The following MAOB variants were observed in gnomAD, a reference collection of about 807,000 sequenced individuals.
MAOB encodes monoamine oxidase B.
MAOB carries 15 observed loss-of-function variants against 41.9 expected under a neutral mutation model. That is an observed-to-expected ratio of 0.36 (90% CI 0.24 to 0.55). The LOEUF (loss-of-function observed/expected upper bound fraction) is 0.55. MAOB is among the 20% of genes least tolerant of loss of function. The pLI is 0.86. For synonymous variants in MAOB, 167 were observed against 144.2 expected, an observed-to-expected ratio of 1.16 and a Z score of -1.13; for missense variants, 345 against 398.7, an observed-to-expected ratio of 0.87 and a Z score of 1.15.
intron 3 of MAOB, among the ~76,000 whole-genome samples, chrX:43,834,759 G>A (rs1255587659): frequency 4.4e-5 from 5 of 112,401 alleles, no homozygotes; most frequent in Admixed American, 3.8e-4. Flanking sequence ...TGCATCTTTA[G>A]CATTGAAGGT....
intron 1 of MAOB, among the ~76,000 whole-genome samples, chrX:43,879,842 T>C (rs181659500): frequency 2.7e-5 from 3 of 112,351 alleles, no homozygotes; most frequent in African/African-American, 9.7e-5. Context: ...GCAATGAAGT[T>C]CTTAAGTTAT....
chrX:43,813,089 A>AT (rs1374086961), intron 3 of MAOB, among the ~76,000 whole-genome samples: 1 of 112,218 alleles, frequency 8.9e-6, no homozygotes, highest in Non-Finnish European at 1.9e-5. Context: ...GCATATAGAG[A>AT]TAAATAATTA....
At chrX:43,802,620 C>T (rs1388310447) in intron 4 of MAOB, among the ~76,000 whole-genome samples, 1 of 111,881 alleles carries the variant, frequency 8.9e-6, no homozygotes, top group African/African-American at 3.2e-5. Flanking sequence ...ACAAGGATCA[C>T]AGAGCTGCAG....
intron 1 of MAOB, among the ~76,000 whole-genome samples, chrX:43,851,167 T>A (rs2035249516): frequency 8.9e-6 from 1 of 111,994 alleles, no homozygotes; most frequent in South Asian, 3.7e-4. Flanking sequence ...TTCTCGGGTT[T>A]GTGTGCTATA....
At chrX:43,768,284 T>C (rs1330982352) in intron 14 of MAOB, among the ~76,000 whole-genome samples, 2 of 111,954 alleles carry the variant, frequency 1.8e-5, no homozygotes, top group Non-Finnish European at 3.8e-5. Flanking sequence ...TGTTTGTCCC[T>C]GGACAGGAGA....
intron 3 of MAOB, among the ~76,000 whole-genome samples, chrX:43,818,685 G>A (rs1185827042): frequency 8.9e-6 from 1 of 112,384 alleles, no homozygotes; most frequent in Non-Finnish European, 1.9e-5. Flanking sequence ...TGACAGGCTC[G>A]GACAGACCCA....
At position 43,769,392 on chromosome X, in the gene MAOB, A is replaced by G; in HGVS notation, c.1262T>C (p.Ile421Thr). 4.1e-6 allele frequency: 5 copies of G among 1,209,588 alleles called. No individual in the cohort carries two copies. In the South Asian group the frequency reaches 7.1e-5, roughly 17 times the overall value. The change falls in exon 13 of 15, where the codon ATT becomes ACT. Residue 421 changes from isoleucine to threonine, a missense_variant. Transcript: ENST00000378069. ...GGCAGTCTCGGTGCCTGCAAAGTAA[A>G]TCCTGTCCACTGGCTGGCGTAGAAC... ...GRVLRQPVDRIYFAGTETATH... is the reference protein window; with the variant it reads ...GRVLRQPVDRTYFAGTETATH...
intron 1 of MAOB, among the ~76,000 whole-genome samples, chrX:43,868,566 C>T (rs775364454): frequency 2.7e-5 from 3 of 111,323 alleles, no homozygotes; most frequent in South Asian, 3.8e-4. Flanking sequence ...CAGACACTGA[C>T]GGTTCCTGTG....
At chrX:43,835,625 CAG>C (rs1212339866) in intron 3 of MAOB, among the ~76,000 whole-genome samples, 2 of 112,136 alleles carry the variant, frequency 1.8e-5, no homozygotes, top group African/African-American at 6.5e-5. Flanking sequence ...CAGATCAAGA[CAG>C]AGGCCTGTTC....
chrX:43,795,657 T>C, intron 7 of MAOB, 82 bp downstream of exon 7: 1 of 866,154 alleles, frequency 1.2e-6, no homozygotes, highest in Non-Finnish European at 1.6e-6. Context: ...GACATCACTC[T>C]GGAGATTCTA....
At chrX:43,827,155 A>C (rs2034958979) in intron 3 of MAOB, among the ~76,000 whole-genome samples, 1 of 111,916 alleles carries the variant, frequency 8.9e-6, no homozygotes, top group African/African-American at 3.2e-5. Flanking sequence ...AGTGGAGGGA[A>C]TAGCAAGTGT....
At chrX:43,882,105 G>T in intron 1 of MAOB, 149 bp downstream of exon 1, 9 of 1,016,207 alleles carry the variant, frequency 8.9e-6, no homozygotes, top group Non-Finnish European at 1.2e-5. Context: ...AGTGCACGGC[G>T]CTCTGGACCC....
At chrX:43,789,738 A>G (rs1364709381) in intron 8 of MAOB, among the ~76,000 whole-genome samples, 2 of 111,930 alleles carry the variant, frequency 1.8e-5, no homozygotes, top group African/African-American at 3.3e-5. Context: ...ATTTCCTGGG[A>G]TAATCAATCT....
In MAOB at chrX:43,791,404, G is replaced by A. The variant is rs373073889; in HGVS notation, c.928+2015C>T. 1.3e-3 allele frequency among the ~76,000 whole-genome samples: 147 copies of A among 111,621 alleles called. 1 individual carries two copies. The highest frequency in any genetic ancestry group is 4.7e-3 in the African/African-American group (144 of 30,717). ...CTTGGAAGAAAAGTGGGTTCTATAA[G>A]AGCAAATATGACAAGATTCTAGCGT... On this transcript the variant is annotated intron_variant, in intron 8 of 14. Coordinates refer to ENST00000378069, the MANE Select transcript of MAOB (RefSeq NM_000898.5).
At chrX:43,868,586 A>G (rs989639342) in intron 1 of MAOB, among the ~76,000 whole-genome samples, 2 of 111,184 alleles carry the variant, frequency 1.8e-5, no homozygotes, top group Non-Finnish European at 3.8e-5. Context: ...GTGCAGCCCA[A>G]TTTCTGATAA....
intron 1 of MAOB, among the ~76,000 whole-genome samples, chrX:43,877,977 A>G (rs1293221055): frequency 8.9e-6 from 1 of 112,326 alleles, no homozygotes; most frequent in East Asian, 2.8e-4. Flanking sequence ...TTAGATTGAA[A>G]AACTCTACAG....
chrX:43,798,341 T>C, intron 5 of MAOB, among the ~76,000 whole-genome samples: 1 of 112,339 alleles, frequency 8.9e-6, no homozygotes, highest in Middle Eastern at 4.6e-3. Flanking sequence ...GAAATATCAG[T>C]TAAACAAAAT....
At chrX:43,823,866 G>A (rs2034912560) in intron 3 of MAOB, among the ~76,000 whole-genome samples, 1 of 111,777 alleles carries the variant, frequency 8.9e-6, no homozygotes, top group Non-Finnish European at 1.9e-5. Context: ...AATTCAGAAG[G>A]TCCCTACTTC....
At chrX:43,842,256 A>G (rs1037722641) in intron 2 of MAOB, among the ~76,000 whole-genome samples, 1 of 112,765 alleles carries the variant, frequency 8.9e-6, no homozygotes, top group East Asian at 2.8e-4. Flanking sequence ...AAGGAACTGA[A>G]CAGACACTTC....
Sources: allele counts gnomAD v4.1 joint callset (sites outside exome capture counted in the v4.1 genomes callset), GRCh38; gene constraint gnomAD v4.1.1; transcripts MANE v1.5; gene names NCBI Gene and HGNC (gene_info 2026-07-23, HGNC 2026-07-21).